RWDD4: variants seen among roughly 807,000 people sequenced by gnomAD.
RWDD4 encodes RWD domain containing 4.
RWDD4 carries 16 observed loss-of-function variants against 30.0 expected under a neutral mutation model. That is an observed-to-expected ratio of 0.53 (90% CI 0.36 to 0.81). The LOEUF (loss-of-function observed/expected upper bound fraction) is 0.81, where lower values mean the gene tolerates loss of function less well. Among genes scored for constraint, RWDD4 ranks in the 30% least tolerant of loss-of-function variants. The pLI, the probability that RWDD4 is intolerant of heterozygous loss-of-function variation, is 0.00. For missense variants in RWDD4, 170 were observed against 223.9 expected (o/e 0.76, Z 1.54); for synonymous variants, 45 against 72.1 (o/e 0.62, Z 1.90).
intron 5 of RWDD4, among the ~76,000 whole-genome samples, chr4:183,648,351 T>A (rs1734005528): frequency 6.6e-6 from 1 of 151,796 alleles, no homozygotes; most frequent in Admixed American, 6.6e-5. Context: ...GATACATACA[T>A]AAGTGTAAAT....
At chr4:183,657,403 G>C (rs1250035278) in intron 1 of RWDD4, among the ~76,000 whole-genome samples, 3 of 152,178 alleles carry the variant, frequency 2.0e-5, no homozygotes, top group Admixed American at 6.5e-5. Context: ...ACAAAAATAG[G>C]AGGCAAGTTT....
chr4:183,641,612 A>G, intron 7 of RWDD4, 144 bp from the exon 8 acceptor site: 2 of 678,002 alleles, frequency 2.9e-6, no homozygotes, highest in Admixed American at 2.7e-5. Context: ...CTACTTTTCA[A>G]CTTCAAGCTC....
At chr4:183,644,076 A>G (rs1437317795) in intron 7 of RWDD4, among the ~76,000 whole-genome samples, 2 of 151,088 alleles carry the variant, frequency 1.3e-5, no homozygotes, top group African/African-American at 2.4e-5. Flanking sequence ...GAGCACTATC[A>G]ACACCTTTAG....
rs781323827 is a variant in RWDD4 at position 183,658,915 on chromosome 4, G to A, written c.24+14C>T. On this transcript the variant is annotated intron_variant, in intron 1 of 7. Coordinates refer to ENST00000326397, the MANE Select transcript of RWDD4 (RefSeq NM_152682.4). ...CGCCCGCGCTGGGAGAGGGCCCTGA[G>A]CCGGGGGGCTCACCTCCTGGTCCTC... The A allele has an allele frequency of 1.6e-6, 2 of 1,263,872 alleles. No individual in the cohort carries two copies. The highest frequency in any genetic ancestry group is 2.0e-6 in the Non-Finnish European group (2 of 1,005,970). The allele number at this position is 1,263,872 out of a possible 1,614,324, so 78.3% of individuals were successfully genotyped here. A position where few individuals can be genotyped will look rare whatever the true frequency, so the allele number is the denominator to read the frequency against.
At chr4:183,645,096 T>C (rs1733942462) in intron 7 of RWDD4, among the ~76,000 whole-genome samples, 1 of 152,054 alleles carries the variant, frequency 6.6e-6, no homozygotes, top group South Asian at 2.1e-4. Context: ...ACAGACCTCA[T>C]CTTCAAAAAC....
intron 1 of RWDD4, among the ~76,000 whole-genome samples, chr4:183,656,549 T>C (rs1734197719): frequency 6.6e-6 from 1 of 152,182 alleles, no homozygotes; most frequent in Admixed American, 6.5e-5. Flanking sequence ...GACATAGTTC[T>C]TAGAACATTT....
At chr4:183,657,735 G>A (rs1363149989) in intron 1 of RWDD4, among the ~76,000 whole-genome samples, 4 of 152,190 alleles carry the variant, frequency 2.6e-5, no homozygotes, top group African/African-American at 9.7e-5. Context: ...AACAAAGAAT[G>A]GATATATGAA....
intron 2 of RWDD4, among the ~76,000 whole-genome samples, chr4:183,655,102 G>A (rs1325150849): frequency 6.6e-6 from 1 of 151,652 alleles, no homozygotes; most frequent in Non-Finnish European, 1.5e-5. Flanking sequence ...CATCATGCGT[G>A]GCTAATTTTT....
In RWDD4 at chr4:183,650,993, G is replaced by C. The variant is rs1734062517; in HGVS notation, c.354C>G (p.Ile118Met). 6.2e-7 allele frequency: 1 copy of C among 1,610,146 alleles called. No homozygotes were observed. The highest frequency in any genetic ancestry group is 8.5e-7 in the Non-Finnish European group (1 of 1,178,942). ...ATAATCACATACTCACTGCGGAATT[G>C]ATGGGATTGTGATTCTCCATGAACT... is the stretch of plus-strand genomic sequence containing the variant. ...KEQFMENHNPINSATSISNII... is the reference protein window; with the variant it reads ...KEQFMENHNPMNSATSISNII... Residue 118 changes from isoleucine (I) to methionine (M), a missense_variant, in exon 4 of 8, where the codon ATC becomes ATG. Transcript: ENST00000326397.
At chr4:183,657,027 A>G (rs1209427407) in intron 1 of RWDD4, among the ~76,000 whole-genome samples, 17 of 140,808 alleles carry the variant, frequency 1.2e-4, no homozygotes, top group Admixed American at 1.2e-3. Flanking sequence ...CTCCGTCTCA[A>G]AAATAGCAAC....
chr4:183,648,813 A>G (rs543979072), intron 5 of RWDD4, among the ~76,000 whole-genome samples: 1 of 150,708 alleles, frequency 6.6e-6, no homozygotes, highest in East Asian at 1.9e-4. Context: ...TCAAATGGTG[A>G]CCTCTTGTGA....
chr4:183,656,423 C>T (rs746965294), intron 1 of RWDD4, among the ~76,000 whole-genome samples: 14 of 152,080 alleles, frequency 9.2e-5, no homozygotes, highest in Non-Finnish European at 1.9e-4. Context: ...CACAGTGATA[C>T]AAAGCTCTAA....
At chr4:183,656,523 T>C (rs1734197078) in intron 1 of RWDD4, among the ~76,000 whole-genome samples, 1 of 152,222 alleles carries the variant, frequency 6.6e-6, no homozygotes, top group South Asian at 2.1e-4. Flanking sequence ...AAAATGTAAC[T>C]AGTAATCCTT....
intron 4 of RWDD4, 103 bp downstream of exon 4, chr4:183,650,881 G>A (rs1579128389): frequency 4.3e-6 from 5 of 1,174,598 alleles, no homozygotes; most frequent in Non-Finnish European, 5.9e-6. Flanking sequence ...ACTTTAACAA[G>A]TCTTCTTCCG....
At chr4:183,645,913 G>GT (rs1378939462) in intron 7 of RWDD4, among the ~76,000 whole-genome samples, 2 of 151,876 alleles carry the variant, frequency 1.3e-5, no homozygotes, top group Non-Finnish European at 2.9e-5. Flanking sequence ...TTCTTTTTCT[G>GT]TTTTTTTGAG....
chr4:183,648,489 GT>G (rs139272177), intron 5 of RWDD4, among the ~76,000 whole-genome samples: 35,531 of 152,060 alleles, frequency 0.23, 4,371 homozygotes, highest in Admixed American at 0.25. Context: ...ATGAGCTAGA[GT>G]TTATTATCTT....
In RWDD4 at chr4:183,658,944, G is replaced by A. The variant is rs775686041; in HGVS notation, c.9C>T (p.Ala3=). The change falls in exon 1 of 8, where the codon GCC becomes GCT. Residue 3 remains alanine, a synonymous_variant. Transcript: ENST00000326397. ...GGGGGCTCACCTCCTGGTCCTCGTT[G>A]GCACTCATCGCGCCGGTCGCGGGGC... MS[A]NEDQEMELEA... The A allele has an allele frequency of 4.4e-5, 56 of 1,274,536 alleles. No individual in the cohort carries two copies. The highest frequency in any genetic ancestry group is 5.4e-5 in the Non-Finnish European group (55 of 1,011,530). The allele number at this position is 1,274,536 out of a possible 1,614,324, so 79.0% of individuals were successfully genotyped here.
At chr4:183,645,074 T>A (rs1733942186) in intron 7 of RWDD4, among the ~76,000 whole-genome samples, 2 of 152,176 alleles carry the variant, frequency 1.3e-5, no homozygotes, top group African/African-American at 4.8e-5. Flanking sequence ...CACTCCAGCT[T>A]GGGCAACAGA....
intron 2 of RWDD4, among the ~76,000 whole-genome samples, chr4:183,652,622 C>T (rs111396992): frequency 0.15 from 22,814 of 151,882 alleles, 2,595 homozygotes; most frequent in African/African-American, 0.32. Flanking sequence ...CCATCCTGGC[C>T]AACATGGTGA....
Sources: gnomAD v4.1 joint callset for allele counts (sites outside exome capture counted in the v4.1 genomes callset) on GRCh38, gnomAD v4.1.1 for gene constraint, MANE v1.5 for transcripts, NCBI Gene and HGNC (gene_info 2026-07-23, HGNC 2026-07-21) for gene names.